SLC2A13: variants seen among roughly 807,000 people sequenced by gnomAD.
The protein encoded by SLC2A13 is proton myo-inositol cotransporter.
A neutral mutation model predicts 64.4 loss-of-function variants in SLC2A13; 32 were observed. That is an observed-to-expected ratio of 0.50 (90% confidence interval 0.37 to 0.67). The LOEUF (loss-of-function observed/expected upper bound fraction) is 0.67. Ranked by LOEUF, SLC2A13 falls within the 30% of genes least tolerant of loss-of-function variation. The pLI is 0.00. For missense variants in SLC2A13, 743 were observed against 829.2 expected (o/e 0.90, Z 1.28); for synonymous variants, 338 against 327.1 (o/e 1.03, Z -0.36).
intron 4 of SLC2A13, among the ~76,000 whole-genome samples, chr12:39,947,722 A>G (rs1051926948): frequency 7.0e-6 from 1 of 142,214 alleles, no homozygotes; most frequent in Non-Finnish European, 1.5e-5. Flanking sequence ...GTGCAATGGC[A>G]TGATCTCGGC....
At chr12:40,035,901 C>T (rs1947976100) in intron 2 of SLC2A13, among the ~76,000 whole-genome samples, 1 of 152,118 alleles carries the variant, frequency 6.6e-6, no homozygotes, top group Admixed American at 6.5e-5. Context: ...TGGCATTTTG[C>T]ACAAATATTA....
chr12:39,902,268 C>G (rs1945145196), intron 4 of SLC2A13, among the ~76,000 whole-genome samples: 2 of 151,248 alleles, frequency 1.3e-5, no homozygotes, highest in South Asian at 2.1e-4. Context: ...TGCAGCACAC[C>G]AGCATGGCAC....
rs533589768 is a variant in SLC2A13, at chr12:39,999,061, C to G, written c.925+29240G>C. Among the ~76,000 whole-genome samples, 4 of 152,266 alleles carry G rather than the reference C, an allele frequency of 2.6e-5. No homozygotes were observed. The East Asian group carries it at 5.8e-4, about 22-fold the overall frequency. On this transcript the variant is annotated intron_variant, in intron 3 of 9. Coordinates refer to ENST00000280871, the MANE Select transcript of SLC2A13 (RefSeq NM_052885.4). Reference sequence around the variant, plus strand: ...GATTTCATGGACACTTACCAGTTCCCAAATAATACTTTCATAATTTCTTAG... The same window carrying G: ...GATTTCATGGACACTTACCAGTTCCGAAATAATACTTTCATAATTTCTTAG...
In SLC2A13 at chr12:40,105,929, T is replaced by G; in HGVS notation, c.-121A>C. ...TGCCGCCGCTTTCTTCCTCCCGGCT[T>G]CCGCTCCGGCTGCCACGGCAGCAGC... On this transcript the variant is annotated 5_prime_UTR_variant, in exon 1 of 10. Coordinates refer to ENST00000280871, the MANE Select transcript of SLC2A13 (RefSeq NM_052885.4). This position sits in a 1 kb window ranked among gnomAD's most constrained non-coding sequence, Gnocchi z 4.2. 8.4e-7 allele frequency: 1 copy of G among 1,194,892 alleles called. No homozygotes were observed. Among genetic ancestry groups the G allele is most frequent in the Non-Finnish European group, 1.1e-6 (1 of 940,688 alleles). 74.0% of individuals were successfully genotyped at this position (1,194,892 alleles called of 1,614,324 possible).
At chr12:40,047,091 AG>A (rs1948182848) in intron 2 of SLC2A13, among the ~76,000 whole-genome samples, 1 of 151,820 alleles carries the variant, frequency 6.6e-6, no homozygotes, top group South Asian at 2.1e-4. Flanking sequence ...CAGTAGAGAC[AG>A]GGTTTCACCA....
intron 7 of SLC2A13, among the ~76,000 whole-genome samples, chr12:39,813,425 T>C (rs1312128006): frequency 6.6e-6 from 1 of 152,200 alleles, no homozygotes; most frequent in African/African-American, 2.4e-5. Flanking sequence ...TTCATCTAAA[T>C]TGTCACTTAA....
intron 7 of SLC2A13, among the ~76,000 whole-genome samples, chr12:39,790,379 C>G (rs61931212): frequency 0.02 from 2,351 of 118,862 alleles, 37 homozygotes; most frequent in Middle Eastern, 0.033. Flanking sequence ...CCTCCCCCCA[C>G]CCCACCACAG....
intron 7 of SLC2A13, 42 bp downstream of exon 7, chr12:39,830,061 G>T (rs1198882620): frequency 6.2e-7 from 1 of 1,611,482 alleles, no homozygotes; most frequent in South Asian, 1.1e-5. Flanking sequence ...GCCTCGTTTT[G>T]AAATATTATT....
At chr12:39,820,779 A>G (rs1297565567) in intron 7 of SLC2A13, among the ~76,000 whole-genome samples, 17 of 144,472 alleles carry the variant, frequency 1.2e-4, no homozygotes, top group East Asian at 4.1e-4. Flanking sequence ...ATATATATAA[A>G]GCAACATGTA....
chr12:40,066,212 A>G (rs983695323), intron 1 of SLC2A13, among the ~76,000 whole-genome samples: 1 of 152,226 alleles, frequency 6.6e-6, no homozygotes, highest in Non-Finnish European at 1.5e-5. Flanking sequence ...TCAGGCCTGC[A>G]TCTCATGATG....
At chr12:40,026,513 TA>T (rs1947810197) in intron 3 of SLC2A13, among the ~76,000 whole-genome samples, 1 of 152,160 alleles carries the variant, frequency 6.6e-6, no homozygotes, top group Admixed American at 6.5e-5. Flanking sequence ...AAAACTCAAA[TA>T]GGATACACCG....
intron 6 of SLC2A13, among the ~76,000 whole-genome samples, chr12:39,862,760 T>C (rs1161313787): frequency 6.6e-6 from 1 of 152,216 alleles, no homozygotes; most frequent in African/African-American, 2.4e-5. Context: ...ATGGGGTACA[T>C]GTCATATTTT....
intron 7 of SLC2A13, among the ~76,000 whole-genome samples, chr12:39,810,005 C>A (rs904506372): frequency 6.6e-6 from 1 of 152,102 alleles, no homozygotes; most frequent in Admixed American, 6.6e-5. Flanking sequence ...GATTTATAAT[C>A]CTTTGGGTAT....
At chr12:40,006,231 T>C (rs1947416526) in intron 3 of SLC2A13, among the ~76,000 whole-genome samples, 1 of 152,206 alleles carries the variant, frequency 6.6e-6, no homozygotes, top group Admixed American at 6.5e-5. Flanking sequence ...ATTATTTTTT[T>C]CCAAAAAGAA....
At chr12:40,051,986 G>A (rs941583302) in intron 1 of SLC2A13, among the ~76,000 whole-genome samples, 1 of 152,106 alleles carries the variant, frequency 6.6e-6, no homozygotes, top group Non-Finnish European at 1.5e-5. Flanking sequence ...GAAATGAAGA[G>A]ATTTGAGAAT....
At chr12:39,924,833 AC>A (rs886238960) in intron 4 of SLC2A13, among the ~76,000 whole-genome samples, 13 of 151,356 alleles carry the variant, frequency 8.6e-5, no homozygotes, top group African/African-American at 3.2e-4. Flanking sequence ...TGAGAAAAAG[AC>A]CCCCCACCCC....
At chr12:39,791,052 C>T (rs1334102835) in intron 7 of SLC2A13, among the ~76,000 whole-genome samples, 1 of 134,750 alleles carries the variant, frequency 7.4e-6, no homozygotes, top group Non-Finnish European at 1.6e-5. Context: ...CCTTTGCCCA[C>T]TTTTTGATGG....
intron 1 of SLC2A13, among the ~76,000 whole-genome samples, chr12:40,060,887 T>C (rs902768166): frequency 1.6e-4 from 24 of 152,156 alleles, no homozygotes; most frequent in African/African-American, 5.8e-4. Flanking sequence ...TATCTTGTGG[T>C]GCATAAATGC....
At chr12:40,070,552 C>A (rs1376641959) in intron 1 of SLC2A13, among the ~76,000 whole-genome samples, 9 of 152,074 alleles carry the variant, frequency 5.9e-5, no homozygotes, top group African/African-American at 1.9e-4. Flanking sequence ...TCAGCTCTAT[C>A]CCCAATCAAC....
Sources: allele counts gnomAD v4.1 joint callset (sites outside exome capture counted in the v4.1 genomes callset), GRCh38; gene constraint gnomAD v4.1.1; non-coding constraint Gnocchi (gnomAD v3.1); transcripts MANE v1.5; gene names NCBI Gene and HGNC (gene_info 2026-07-23, HGNC 2026-07-21).